Variants in LHX8 observed in about 807,000 individuals in gnomAD.
LHX8 encodes the protein LIM homeobox 8.
A neutral mutation model predicts 40.3 loss-of-function variants in LHX8; 12 were observed. The observed-to-expected ratio is 0.30, with a 90% CI of 0.19 to 0.48. LHX8 has a LOEUF of 0.48. Among genes scored for constraint, LHX8 ranks in the 20% least tolerant of loss-of-function variants. LHX8 has a pLI of 0.99. For missense variants in LHX8, 344 were observed against 433.7 expected (o/e 0.79, Z 1.84); for synonymous variants, 179 against 162.0 (o/e 1.10, Z -0.80).
intron 6 of LHX8, among the ~76,000 whole-genome samples, chr1:75,147,442 C>T: frequency 6.6e-6 from 1 of 152,204 alleles, no homozygotes; most frequent in Non-Finnish European, 1.5e-5. Flanking sequence ...TCTCAAGGAA[C>T]TCACTTTCCA....
chr1:75,130,562 G>C, upstream of LHX8: 1 of 776,882 alleles, frequency 1.3e-6, no homozygotes, highest in Non-Finnish European at 2.4e-6. Flanking sequence ...CCCAGACGGA[G>C]GCCCTCGCCC....
Position 75,134,640 on chromosome 1 carries a change from G to A in LHX8, c.-327G>A, listed in dbSNP as rs1648067128. 6.6e-6 allele frequency among the ~76,000 whole-genome samples: 1 copy of A among 152,122 alleles called. No individual in the cohort carries two copies. The highest frequency in any genetic ancestry group is 1.9e-4 in the East Asian group (1 of 5,180). ...GTGCCATGTATTGGAAGAACGATCA[G>A]ATGTTTGTGTGTAAACTAGTAGCAA... On this transcript the variant is annotated 5_prime_UTR_variant, in exon 1 of 9. Transcript: ENST00000356261.
chr1:75,163,938 T>A (rs77434486), downstream of LHX8, among the ~76,000 whole-genome samples: 2,061 of 152,282 alleles, frequency 0.014, 46 homozygotes, highest in African/African-American at 0.047. Flanking sequence ...ACAGGTGCCA[T>A]CTATGAGGAC....
At chr1:75,155,052 G>T (rs1648717950) in intron 7 of LHX8, among the ~76,000 whole-genome samples, 1 of 151,928 alleles carries the variant, frequency 6.6e-6, no homozygotes. Context: ...GTGCCATCAA[G>T]GCCCTACCAC....
chr1:75,167,373 A>G, the LHX8 span, among the ~76,000 whole-genome samples: 1 of 152,212 alleles, frequency 6.6e-6, no homozygotes, highest in African/African-American at 2.4e-5. Flanking sequence ...CTGGTGCACA[A>G]TAAACCCTGA....
intron 3 of LHX8, 91 bp downstream of exon 3, chr1:75,137,352 C>A: frequency 7.4e-7 from 1 of 1,343,424 alleles, no homozygotes; most frequent in Non-Finnish European, 1.1e-6. Context: ...ACCAACCTTT[C>A]CGTTCAAGTT....
At chr1:75,156,772 A>G in intron 7 of LHX8, 121 bp from the exon 8 acceptor site, 1 of 899,350 alleles carries the variant, frequency 1.1e-6, no homozygotes, top group East Asian at 2.4e-5. Flanking sequence ...GCTGAGTTAC[A>G]TTTATGCGGT....
the LHX8 span, among the ~76,000 whole-genome samples, chr1:75,170,284 A>C: frequency 2.6e-5 from 4 of 152,194 alleles, no homozygotes; most frequent in Admixed American, 2.6e-4. Context: ...TCTGTTTAAT[A>C]TTAACTCTTT....
chr1:75,130,991 C>A, upstream of LHX8: 1 of 572,596 alleles, frequency 1.7e-6, no homozygotes, highest in Admixed American at 2.5e-5. Context: ...CCGCCTCCTA[C>A]AGTCCTATGG....
chr1:75,134,025 C>T (rs1648043259), upstream of LHX8, among the ~76,000 whole-genome samples: 1 of 152,192 alleles, frequency 6.6e-6, no homozygotes, highest in South Asian at 2.1e-4. Flanking sequence ...ACTTTCAAGT[C>T]ACCCAGACCT....
At chr1:75,130,187 C>A (rs567879275), upstream of LHX8, 14 of 160,208 alleles carry the variant, frequency 8.7e-5, no homozygotes, top group East Asian at 2.5e-3. Flanking sequence ...TTAATTTCGG[C>A]GTGGTTCCTA....
chr1:75,185,444 C>T, the LHX8 span, among the ~76,000 whole-genome samples: 1 of 151,710 alleles, frequency 6.6e-6, no homozygotes, highest in Non-Finnish European at 1.5e-5. Flanking sequence ...AAAATTGGCC[C>T]AAGATATGCA....
chr1:75,137,009 GA>G, intron 2 of LHX8, 90 bp from the exon 3 acceptor site: 1 of 1,425,370 alleles, frequency 7.0e-7, no homozygotes, highest in Non-Finnish European at 9.4e-7. Flanking sequence ...AGGGGGAAGG[GA>G]GGGGAGGCGG....
At chr1:75,162,625 C>A (rs1648945244), downstream of LHX8, among the ~76,000 whole-genome samples, 1 of 151,954 alleles carries the variant, frequency 6.6e-6, no homozygotes, top group African/African-American at 2.4e-5. Context: ...GATGAATGCC[C>A]AAAGTTGAAG....
intron 7 of LHX8, among the ~76,000 whole-genome samples, chr1:75,155,225 A>G (rs1462742635): frequency 1.6e-5 from 2 of 127,122 alleles, no homozygotes; most frequent in East Asian, 5.8e-4. Context: ...ATGAAGAAAC[A>G]CTCTCTTTTT....
At chr1:75,166,578 T>G in the LHX8 span, among the ~76,000 whole-genome samples, 1 of 152,202 alleles carries the variant, frequency 6.6e-6, no homozygotes, top group African/African-American at 2.4e-5. Context: ...AATAAGTCTG[T>G]TATTTTGCCA....
the LHX8 span, among the ~76,000 whole-genome samples, chr1:75,176,977 T>C: frequency 2.0e-5 from 3 of 152,166 alleles, no homozygotes; most frequent in Admixed American, 6.5e-5. Context: ...AAAGATCAGA[T>C]GGTTGTAGAT....
At chr1:75,183,370 G>T in the LHX8 span, among the ~76,000 whole-genome samples, 1 of 152,058 alleles carries the variant, frequency 6.6e-6, no homozygotes, top group Admixed American at 6.5e-5. Context: ...GTTAAAGGCA[G>T]CTAGAGAGAA....
At chr1:75,130,320 C>T (rs1366015849), upstream of LHX8, 10 of 295,212 alleles carry the variant, frequency 3.4e-5, no homozygotes, top group East Asian at 5.4e-4. Context: ...GTCACTCGTA[C>T]AGACTCTTGG....
Sources: gnomAD v4.1 joint callset for allele counts (sites outside exome capture counted in the v4.1 genomes callset) on GRCh38, gnomAD v4.1.1 for gene constraint, MANE v1.5 for transcripts, NCBI Gene and HGNC (gene_info 2026-07-23, HGNC 2026-07-21) for gene names.